The following NEGR1 variants were observed in gnomAD, a reference collection of about 807,000 sequenced individuals.
NEGR1 encodes neuronal growth regulator 1, also known as IgLON family member 4.
Under a neutral mutation model 40.9 loss-of-function variants are expected in NEGR1, and 10 were observed. The ratio of observed to expected loss-of-function variants is 0.24; its 90% confidence interval spans 0.15 to 0.42. The LOEUF is 0.42. Among genes scored for constraint, NEGR1 ranks in the 10% least tolerant of loss-of-function variants. The probability of loss-of-function intolerance (pLI) is 1.00; values close to 1 mark genes in which losing one functional copy is unlikely to be tolerated. For missense variants in NEGR1, 352 were observed against 438.9 expected (o/e 0.80, Z 1.77); for synonymous variants, 185 against 166.8 (o/e 1.11, Z -0.84).
At chr1:71,957,203 T>C (rs1646126372) in intron 1 of NEGR1, among the ~76,000 whole-genome samples, 1 of 152,126 alleles carries the variant, frequency 6.6e-6, no homozygotes, top group African/African-American at 2.4e-5. Context: ...AGTGGAAGTC[T>C]TCAGAGAGTT....
intron 2 of NEGR1, among the ~76,000 whole-genome samples, chr1:71,824,970 T>C (rs1457109143): frequency 6.6e-6 from 1 of 151,960 alleles, no homozygotes; most frequent in Admixed American, 6.6e-5. Context: ...GTTATTCATG[T>C]ACAAGTTTTT....
chr1:72,186,513 C>A (rs1464423901), intron 1 of NEGR1, among the ~76,000 whole-genome samples: 2 of 151,404 alleles, frequency 1.3e-5, no homozygotes, highest in Non-Finnish European at 3.0e-5. Flanking sequence ...TGATATGGTA[C>A]CAATGCTAAA....
intron 5 of NEGR1, 87 bp from the exon 6 acceptor site, chr1:71,593,055 C>A: frequency 1.2e-6 from 1 of 852,728 alleles, no homozygotes; most frequent in Admixed American, 2.1e-5. Context: ...CATGGCAACC[C>A]ATAGACAATT....
chr1:71,841,492 C>T (rs1291347250), intron 2 of NEGR1, among the ~76,000 whole-genome samples: 7 of 152,016 alleles, frequency 4.6e-5, no homozygotes, highest in Admixed American at 4.6e-4. Context: ...TATCTAGTCG[C>T]AATTGTCTAA....
At chr1:72,266,792 T>C (rs907086646) in intron 1 of NEGR1, among the ~76,000 whole-genome samples, 4 of 143,184 alleles carry the variant, frequency 2.8e-5, no homozygotes, top group Non-Finnish European at 6.2e-5. Context: ...AAAAACACCA[T>C]TGAGCTAAAT....
At chr1:72,225,154 G>A (rs1654135978) in intron 1 of NEGR1, among the ~76,000 whole-genome samples, 1 of 151,840 alleles carries the variant, frequency 6.6e-6, no homozygotes, top group South Asian at 2.1e-4. Flanking sequence ...ATGTAGCTGA[G>A]GCCTTCAGAC....
intron 1 of NEGR1, among the ~76,000 whole-genome samples, chr1:72,176,600 T>G (rs914456368): frequency 6.6e-6 from 1 of 152,036 alleles, no homozygotes; most frequent in African/African-American, 2.4e-5. Context: ...ATGAGTATTC[T>G]CAGGTACAGG....
At chr1:71,710,204 G>T (rs190964858) in intron 3 of NEGR1, among the ~76,000 whole-genome samples, 2 of 152,260 alleles carry the variant, frequency 1.3e-5, no homozygotes, top group Admixed American at 6.5e-5. Context: ...TCTCGCCCCA[G>T]TTAAAATGGC....
intron 6 of NEGR1, among the ~76,000 whole-genome samples, chr1:71,462,000 T>C (rs1033198085): frequency 6.6e-6 from 1 of 152,154 alleles, no homozygotes; most frequent in African/African-American, 2.4e-5. Context: ...TGCTCTGTTA[T>C]CCCTGAAATT....
At chr1:71,568,659 T>C (rs1648699247) in intron 6 of NEGR1, among the ~76,000 whole-genome samples, 1 of 152,094 alleles carries the variant, frequency 6.6e-6, no homozygotes, top group South Asian at 2.1e-4. Context: ...AATACACATA[T>C]ATACATCTAT....
chr1:71,894,869 G>A (rs1660923026), intron 2 of NEGR1, among the ~76,000 whole-genome samples: 1 of 152,058 alleles, frequency 6.6e-6, no homozygotes, highest in South Asian at 2.1e-4. Flanking sequence ...AATCATGCCT[G>A]TGAATAGCCA....
rs568692701 is a variant in NEGR1 at position 71,877,847 on chromosome 1, CA to C, written c.409+57231del. ...ATGTGAACATTTTGTTGAGCTACCC[CA>C]GTTCTAAGGTCTGAATGCTTAGTCC... On this transcript the variant is annotated intron_variant, in intron 2 of 6. Coordinates refer to ENST00000357731, the MANE Select transcript of NEGR1 (RefSeq NM_173808.3). 2.2e-4 allele frequency among the ~76,000 whole-genome samples: 34 copies of C among 152,238 alleles called. 1 individual carries two copies. The South Asian group carries it at 6.8e-3, about 31-fold the overall frequency.
intron 6 of NEGR1, among the ~76,000 whole-genome samples, chr1:71,533,012 G>T (rs1469822808): frequency 6.6e-6 from 1 of 151,544 alleles, no homozygotes; most frequent in Non-Finnish European, 1.5e-5. Context: ...CATATACACA[G>T]ATGGTCTTTG....
intron 1 of NEGR1, among the ~76,000 whole-genome samples, chr1:72,266,135 G>T (rs184554780): frequency 1.1e-3 from 167 of 150,864 alleles, no homozygotes; most frequent in Middle Eastern, 6.8e-3. Context: ...TATATTTACA[G>T]AAAAGTGTGC....
intron 1 of NEGR1, among the ~76,000 whole-genome samples, chr1:72,038,612 T>A (rs1405933655): frequency 1.3e-5 from 2 of 151,990 alleles, no homozygotes; most frequent in Admixed American, 1.3e-4. Context: ...AGAGATCATT[T>A]CTGTCTTCAA....
At chr1:71,778,186 T>TAG (rs951344020) in intron 2 of NEGR1, among the ~76,000 whole-genome samples, 9 of 151,394 alleles carry the variant, frequency 5.9e-5, no homozygotes, top group Admixed American at 3.3e-4. Context: ...TATATATATA[T>TAG]AGAGAGAGAG....
intron 3 of NEGR1, among the ~76,000 whole-genome samples, chr1:71,771,761 A>G (rs1224623551): frequency 6.6e-6 from 1 of 151,724 alleles, no homozygotes; most frequent in Non-Finnish European, 1.5e-5. Flanking sequence ...AAATAAACAA[A>G]CAAATAATAA....
chr1:71,799,034 G>T (rs956902348), intron 2 of NEGR1, among the ~76,000 whole-genome samples: 1 of 150,336 alleles, frequency 6.7e-6, no homozygotes, highest in Non-Finnish European at 1.5e-5. Flanking sequence ...AAAAGATCTT[G>T]TATTGAATGG....
chr1:72,012,330 C>T (rs959218900), intron 1 of NEGR1, among the ~76,000 whole-genome samples: 1 of 152,022 alleles, frequency 6.6e-6, no homozygotes, highest in Non-Finnish European at 1.5e-5. Context: ...CAAAACCAGG[C>T]AGCCATAGCT....
Sources: allele counts gnomAD v4.1 joint callset (sites outside exome capture counted in the v4.1 genomes callset), GRCh38; gene constraint gnomAD v4.1.1; transcripts MANE v1.5; gene names NCBI Gene and HGNC (gene_info 2026-07-23, HGNC 2026-07-21).